Variants in GALNT2 observed in about 807,000 individuals in gnomAD.
GALNT2 encodes the protein polypeptide N-acetylgalactosaminyltransferase 2, also known as UDP-GalNAc:polypeptide N-acetylgalactosaminyltransferase 2.
In GALNT2, 31 loss-of-function variants were observed where a neutral mutation model predicts 81.4. That is an observed-to-expected ratio of 0.38 (90% CI 0.29 to 0.51). GALNT2 has a LOEUF of 0.51. Among genes scored for constraint, GALNT2 ranks in the 20% least tolerant of loss-of-function variants. The pLI is 0.87. For missense variants in GALNT2, 629 were observed against 765.7 expected, an observed-to-expected ratio of 0.82 and a Z score of 2.11; for synonymous variants, 303 against 287.4, an observed-to-expected ratio of 1.05 and a Z score of -0.55.
intron 14 of GALNT2, among the ~76,000 whole-genome samples, chr1:230,274,004 G>T (rs889076435): frequency 6.6e-6 from 1 of 152,196 alleles, no homozygotes; most frequent in Non-Finnish European, 1.5e-5. Context: ...AATGCTGTTT[G>T]CAGGCCATAC....
upstream of GALNT2, among the ~76,000 whole-genome samples, chr1:230,064,246 C>T (rs980441724): frequency 2.0e-5 from 3 of 152,114 alleles, no homozygotes; most frequent in African/African-American, 7.2e-5. Flanking sequence ...TCGCTCTTCC[C>T]CTTCTCCTCC....
chr1:230,195,682 A>G (rs1663670573), intron 2 of GALNT2, among the ~76,000 whole-genome samples: 1 of 152,196 alleles, frequency 6.6e-6, no homozygotes, highest in South Asian at 2.1e-4. Flanking sequence ...CTGACAAAAC[A>G]GTAATGAAGT....
At chr1:230,216,547 C>G (rs1354696055) in intron 3 of GALNT2, among the ~76,000 whole-genome samples, 1 of 152,184 alleles carries the variant, frequency 6.6e-6, no homozygotes, top group African/African-American at 2.4e-5. Flanking sequence ...CAAGCCATCC[C>G]CCTGAGTAGC....
At chr1:230,083,710 G>A (rs1659816676) in intron 1 of GALNT2, among the ~76,000 whole-genome samples, 1 of 152,212 alleles carries the variant, frequency 6.6e-6, no homozygotes, top group South Asian at 2.1e-4. Flanking sequence ...TAAGGAGATG[G>A]TCAGCACTGA....
chr1:230,136,126 G>A (rs1035337087), intron 1 of GALNT2, among the ~76,000 whole-genome samples: 1 of 152,204 alleles, frequency 6.6e-6, no homozygotes, highest in East Asian at 1.9e-4. Context: ...TATAGAGGAG[G>A]CACTTAGTCA....
intron 1 of GALNT2, among the ~76,000 whole-genome samples, chr1:230,173,609 G>A (rs1283966424): frequency 1.3e-5 from 2 of 152,156 alleles, no homozygotes; most frequent in Admixed American, 1.3e-4. Context: ...TCTAATCTCA[G>A]TAGTTTATAC....
chr1:230,172,806 A>T (rs1353198630), intron 1 of GALNT2, among the ~76,000 whole-genome samples: 1 of 152,256 alleles, frequency 6.6e-6, no homozygotes, highest in South Asian at 2.1e-4. Context: ...ATTAGTTTCC[A>T]TAACTATTTA....
chr1:230,235,607 A>T (rs1665003050), intron 3 of GALNT2, among the ~76,000 whole-genome samples: 1 of 152,230 alleles, frequency 6.6e-6, no homozygotes, highest in African/African-American at 2.4e-5. Context: ...TGTTGTAGGC[A>T]ATGTAGAAAA....
upstream of GALNT2, among the ~76,000 whole-genome samples, chr1:230,066,654 T>A (rs1659188654): frequency 6.6e-6 from 1 of 152,134 alleles, no homozygotes; most frequent in African/African-American, 2.4e-5. Context: ...CACCAAAAAC[T>A]CAGGTCAGTT....
intron 2 of GALNT2, among the ~76,000 whole-genome samples, chr1:230,184,404 T>TG (rs1663254566): frequency 6.6e-6 from 1 of 152,032 alleles, no homozygotes; most frequent in Non-Finnish European, 1.5e-5. Context: ...TTAGGCAGGA[T>TG]GGTCTCGATC....
chr1:230,229,953 G>A (rs1308778302), intron 3 of GALNT2, among the ~76,000 whole-genome samples: 1 of 152,092 alleles, frequency 6.6e-6, no homozygotes, highest in African/African-American at 2.4e-5. Context: ...TTGAGGTAAG[G>A]GCTGTAATTA....
rs893836423 is a variant in GALNT2 at position 230,243,822 on chromosome 1, G to A, written c.729+395G>A. On this transcript the variant is annotated intron_variant, in intron 7 of 15. Transcript: ENST00000366672. This position sits in a 1 kb window ranked among gnomAD's most constrained non-coding sequence, Gnocchi z 4.2. ...TCTCTTGCAGCTCGCAGAGCGGGGC[G>A]TGCTGGGGAAGCTGTCCCTGGGGCC... 2.6e-5 allele frequency among the ~76,000 whole-genome samples: 4 copies of A among 152,150 alleles called. No individual in the cohort carries two copies. Among genetic ancestry groups the A allele is most frequent in the African/African-American group, 9.7e-5 (4 of 41,442 alleles).
chr1:230,238,462 G>T (rs1465783886), intron 6 of GALNT2, among the ~76,000 whole-genome samples: 1 of 152,194 alleles, frequency 6.6e-6, no homozygotes, highest in Non-Finnish European at 1.5e-5. Flanking sequence ...CCGATGTACA[G>T]TGGAAGTTGA....
At chr1:230,089,670 T>C (rs1660002982) in intron 1 of GALNT2, among the ~76,000 whole-genome samples, 1 of 152,234 alleles carries the variant, frequency 6.6e-6, no homozygotes, top group East Asian at 1.9e-4. Flanking sequence ...ATTCAGTATT[T>C]ATCCTTTTGA....
intron 14 of GALNT2, among the ~76,000 whole-genome samples, chr1:230,267,079 A>G (rs1299464219): frequency 6.6e-6 from 1 of 152,194 alleles, no homozygotes; most frequent in Non-Finnish European, 1.5e-5. Context: ...TCCCGGGCTC[A>G]GTCCCCCTCT....
intron 1 of GALNT2, among the ~76,000 whole-genome samples, chr1:230,121,761 C>T (rs1661021830): frequency 6.6e-6 from 1 of 152,090 alleles, no homozygotes; most frequent in Non-Finnish European, 1.5e-5. Flanking sequence ...AGTGCTTTTG[C>T]ATACCCCACT....
At chr1:230,081,474 C>G (rs1659726848) in intron 1 of GALNT2, among the ~76,000 whole-genome samples, 1 of 137,824 alleles carries the variant, frequency 7.3e-6, no homozygotes, top group Non-Finnish European at 1.5e-5. Flanking sequence ...TGAGCTGTTA[C>G]TATCTGAATA....
In GALNT2 at chr1:230,148,155, A is replaced by C. The variant is rs78288288; in HGVS notation, c.127-30063A>C. Among the ~76,000 whole-genome samples, 1,497 of 152,294 alleles carry C rather than the reference A, an allele frequency of 9.8e-3. 24 individuals are homozygous for C. Among genetic ancestry groups the C allele is most frequent in the African/African-American group, 0.034 (1,427 of 41,564 alleles). ...TTTAAAGCTTCAAATCTGAAAAGAC[A>C]GTGGCGCTGCGTGGCTGAGAGCCAC... On this transcript the variant is annotated intron_variant, in intron 1 of 15. Transcript: ENST00000366672.
At position 230,279,942 on chromosome 1, in the gene GALNT2, C is replaced by T. The variant is rs1332773591; in HGVS notation, c.*484C>T. The T allele has an allele frequency of 1.1e-5, 5 of 456,468 alleles. No homozygotes were observed. Among genetic ancestry groups the T allele is most frequent in the African/African-American group, 2.0e-5 (1 of 50,182 alleles). The allele number at this position is 456,468 out of a possible 1,614,324, so 28.3% of individuals were successfully genotyped here. A position where few individuals can be genotyped will look rare whatever the true frequency, so the allele number is the denominator to read the frequency against. ...CGAGTCGTGTCACGTGGCAGGTTTA[C>T]GTCAATAGTCCCTCTCTCTGCTCCT... On this transcript the variant is annotated 3_prime_UTR_variant, in exon 16 of 16. Transcript: ENST00000366672. The surrounding 1 kb of genome is among the most constrained non-coding windows in gnomAD (Gnocchi z 4.6).
Sources: gnomAD v4.1 joint callset for allele counts (sites outside exome capture counted in the v4.1 genomes callset) on GRCh38, gnomAD v4.1.1 for gene constraint, Gnocchi (gnomAD v3.1) non-coding constraint, MANE v1.5 for transcripts, NCBI Gene and HGNC (gene_info 2026-07-23, HGNC 2026-07-21) for gene names.